SYNPR: variants seen among roughly 807,000 people sequenced by gnomAD.
SYNPR encodes the protein synaptoporin.
SYNPR carries 23 observed loss-of-function variants against 32.9 expected under a neutral mutation model. The ratio of observed to expected loss-of-function variants is 0.70; its 90% confidence interval spans 0.50 to 0.99. The LOEUF (loss-of-function observed/expected upper bound fraction) is 0.99, where lower values mean the gene tolerates loss of function less well. Among genes scored for constraint, SYNPR ranks in the 50% least tolerant of loss-of-function variants. The probability of loss-of-function intolerance (pLI) is 0.00; values close to 1 mark genes in which losing one functional copy is unlikely to be tolerated. For missense variants in SYNPR, 318 were observed against 349.3 expected (o/e 0.91, Z 0.71); for synonymous variants, 146 against 135.9 (o/e 1.07, Z -0.52).
At chr3:63,405,720 T>C (rs1575627636) in intron 2 of SYNPR, among the ~76,000 whole-genome samples, 2 of 152,130 alleles carry the variant, frequency 1.3e-5, no homozygotes, top group South Asian at 4.1e-4. Context: ...ACAAGACTAT[T>C]GCAAGATTCT....
At chr3:63,476,381 G>A (rs937001669) in intron 2 of SYNPR, among the ~76,000 whole-genome samples, 18 of 147,980 alleles carry the variant, frequency 1.2e-4, no homozygotes, top group Non-Finnish European at 1.3e-4. Context: ...AGGAAAGGAG[G>A]GAGAGAAGAA....
At chr3:63,250,934 C>T (rs1173384537) in intron 1 of SYNPR, among the ~76,000 whole-genome samples, 1 of 151,834 alleles carries the variant, frequency 6.6e-6, no homozygotes, top group African/African-American at 2.4e-5. Context: ...GCTATGGAAA[C>T]TAGTATTTTG....
chr3:63,220,443 T>G, the SYNPR span, among the ~76,000 whole-genome samples: 24 of 152,140 alleles, frequency 1.6e-4, no homozygotes, highest in Non-Finnish European at 3.2e-4. Flanking sequence ...CTCTGCTATG[T>G]GATGCTGGGG....
intron 3 of SYNPR, among the ~76,000 whole-genome samples, chr3:63,500,948 T>A (rs1204508846): frequency 6.6e-6 from 1 of 152,216 alleles, no homozygotes; most frequent in Non-Finnish European, 1.5e-5. Flanking sequence ...TCTCTGAACC[T>A]ATTTTCTAAT....
At chr3:63,568,496 C>A (rs148293256) in intron 4 of SYNPR, among the ~76,000 whole-genome samples, 1 of 152,124 alleles carries the variant, frequency 6.6e-6, no homozygotes, top group Non-Finnish European at 1.5e-5. Context: ...ATAGTCCTGG[C>A]GGATGGTCAA....
intron 2 of SYNPR, among the ~76,000 whole-genome samples, chr3:63,362,529 C>A (rs1174947317): frequency 6.6e-6 from 1 of 152,140 alleles, no homozygotes; most frequent in Non-Finnish European, 1.5e-5. Context: ...CCAAGCCCAA[C>A]ACTAAGCCCT....
intron 2 of SYNPR, among the ~76,000 whole-genome samples, chr3:63,257,045 G>C (rs1195490326): frequency 2.6e-5 from 4 of 152,026 alleles, no homozygotes; most frequent in Admixed American, 2.6e-4. Context: ...AATGAACAAA[G>C]GCCTCCAAGA....
rs533192305 is a variant in SYNPR, at chr3:63,528,078, C to G, written c.210-28465C>G. The stretch of plus-strand genomic sequence containing the variant: ...TCATATCTGATTTTGAGAAAAATCC[C>G]ACTTGGAAGATAACTACAGGAGATA... On this transcript the variant is annotated intron_variant, in intron 3 of 5. Coordinates refer to ENST00000478300, the MANE Select transcript of SYNPR (RefSeq NM_001130003.2). Among the ~76,000 whole-genome samples, 4 of 152,236 alleles carry G rather than the reference C, an allele frequency of 2.6e-5. No homozygotes were observed. The South Asian group carries it at 8.3e-4, about 32-fold the overall frequency.
rs1227418610 is a variant in SYNPR at position 63,511,403 on chromosome 3, CAT to C, written c.209+30448_209+30449del. Among the ~76,000 whole-genome samples the C allele has an allele frequency of 2.6e-5, 4 of 152,132 alleles. No homozygotes were observed. In the South Asian group the frequency reaches 6.2e-4, roughly 24 times the overall value. On this transcript the variant is annotated intron_variant, in intron 3 of 5. Transcript: ENST00000478300. ...ACATTTTAACAAACCATTCTGTTCACATGTTTTAATACAGTTGGAGTCGAGGC... is the reference window on the plus strand; with the variant it reads ...ACATTTTAACAAACCATTCTGTTCACGTTTTAATACAGTTGGAGTCGAGGC...
chr3:63,538,219 A>G (rs1702241837), intron 3 of SYNPR, among the ~76,000 whole-genome samples: 1 of 152,072 alleles, frequency 6.6e-6, no homozygotes, highest in Non-Finnish European at 1.5e-5. Context: ...GAGATAAGAA[A>G]CCACTATAAG....
chr3:63,468,766 A>T (rs965977403), intron 2 of SYNPR, among the ~76,000 whole-genome samples: 1 of 152,156 alleles, frequency 6.6e-6, no homozygotes, highest in African/African-American at 2.4e-5. Flanking sequence ...ATGCTGCTGC[A>T]CTCCAGGCTG....
chr3:63,218,819 A>G, the SYNPR span, among the ~76,000 whole-genome samples: 1 of 152,186 alleles, frequency 6.6e-6, no homozygotes, highest in Non-Finnish European at 1.5e-5. Context: ...GGGCTGAAAG[A>G]TATTATGTTA....
intron 4 of SYNPR, among the ~76,000 whole-genome samples, chr3:63,604,233 A>G (rs1256790713): frequency 6.6e-6 from 1 of 151,990 alleles, no homozygotes; most frequent in Non-Finnish European, 1.5e-5. Flanking sequence ...TGGAACTTCT[A>G]TTTTGTTCTT....
intron 2 of SYNPR, chr3:63,427,699 C>A (rs1315683095): frequency 6.6e-6 from 1 of 152,208 alleles, no homozygotes; most frequent in Non-Finnish European, 1.5e-5. Context: ...CTGATTAATC[C>A]CCTAGAGGGG....
At chr3:63,584,978 T>C (rs1240059185) in intron 4 of SYNPR, among the ~76,000 whole-genome samples, 1 of 152,110 alleles carries the variant, frequency 6.6e-6, no homozygotes, top group Non-Finnish European at 1.5e-5. Context: ...TTCAACAAGA[T>C]GTCCAGAAGC....
At chr3:63,366,025 A>C (rs1409660375) in intron 2 of SYNPR, among the ~76,000 whole-genome samples, 2 of 152,216 alleles carry the variant, frequency 1.3e-5, no homozygotes, top group East Asian at 3.9e-4. Context: ...AATACTGAAC[A>C]CTGCCTGTGC....
chr3:63,404,432 T>G (rs888845371), intron 2 of SYNPR, among the ~76,000 whole-genome samples: 1 of 152,190 alleles, frequency 6.6e-6, no homozygotes, highest in African/African-American at 2.4e-5. Context: ...TAAAAAATGT[T>G]TTTCAGACAA....
intron 2 of SYNPR, among the ~76,000 whole-genome samples, chr3:63,448,334 C>T (rs1328129920): frequency 2.6e-5 from 4 of 152,188 alleles, no homozygotes; most frequent in Non-Finnish European, 5.9e-5. Context: ...CCCAAATTAC[C>T]ACACCTTGTC....
chr3:63,209,775 C>G, the SYNPR span, among the ~76,000 whole-genome samples: 1 of 152,150 alleles, frequency 6.6e-6, no homozygotes, highest in Non-Finnish European at 1.5e-5. Context: ...CTCATAGCAT[C>G]CTAAACTTTG....
Sources: allele counts gnomAD v4.1 joint callset (sites outside exome capture counted in the v4.1 genomes callset), GRCh38; gene constraint gnomAD v4.1.1; transcripts MANE v1.5; gene names NCBI Gene and HGNC (gene_info 2026-07-23, HGNC 2026-07-21).